PCLAF: variants seen among roughly 807,000 people sequenced by gnomAD.
The protein encoded by PCLAF is PCNA-associated factor.
PCLAF carries 12 observed loss-of-function variants against 15.1 expected under a neutral mutation model. The ratio of observed to expected loss-of-function variants is 0.79; its 90% confidence interval spans 0.51 to 1.29. PCLAF has a LOEUF of 1.29. PCLAF is among the 50% of genes most tolerant of loss of function. The pLI is 0.00. For synonymous variants in PCLAF, 33 were observed against 47.1 expected, an observed-to-expected ratio of 0.70 and a Z score of 1.22; for missense variants, 116 against 130.9, an observed-to-expected ratio of 0.89 and a Z score of 0.56.
chr15:64,372,214 T>C (rs901198542), intron 3 of PCLAF, among the ~76,000 whole-genome samples: 1 of 152,194 alleles, frequency 6.6e-6, no homozygotes, highest in Non-Finnish European at 1.5e-5. Flanking sequence ...TGATAGGAAA[T>C]GCCTACTATT....
intron 2 of PCLAF, among the ~76,000 whole-genome samples, chr15:64,380,440 G>T (rs957969638): frequency 6.6e-6 from 1 of 152,034 alleles, no homozygotes; most frequent in East Asian, 1.9e-4. Context: ...AAATTGATAG[G>T]CTGGCTGTGG....
chr15:64,376,823 C>A lies in PCLAF; in HGVS notation c.210G>T (p.Arg70Ser). ...KWQKGIGEFF[R>S]LSPKDSEKEN... is the part of the protein sequence containing the mutation. Reference sequence around the variant, plus strand: ...CTTTTTCAGAATCTTTAGGGGACAACCTAAAGAATTCTCCAATTCCTTTTT... The same window carrying A: ...CTTTTTCAGAATCTTTAGGGGACAAACTAAAGAATTCTCCAATTCCTTTTT... Residue 70 changes from arginine to serine, a missense_variant, in exon 3 of 4, where the codon AGG becomes AGT. Physicochemically the swap from Arg to Ser is moderately radical, Grantham distance 110. Transcript: ENST00000300035. 1 of 1,613,942 alleles carries A rather than the reference C, an allele frequency of 6.2e-7. No individual in the cohort carries two copies. The highest frequency in any genetic ancestry group is 8.5e-7 in the Non-Finnish European group (1 of 1,179,844).
intron 3 of PCLAF, among the ~76,000 whole-genome samples, chr15:64,370,243 ATT>A (rs879858578): frequency 3.5e-5 from 5 of 141,952 alleles, no homozygotes; most frequent in Admixed American, 7.0e-5. Flanking sequence ...TGCCCACCTA[ATT>A]TTTTTTTTTT....
chr15:64,381,465 T>C (rs953934735), upstream of PCLAF: 1 of 1,611,118 alleles, frequency 6.2e-7, no homozygotes, highest in African/African-American at 1.3e-5. Flanking sequence ...CCCGCCACAG[T>C]TTATATTGGT....
rs960575608 is a variant in PCLAF at position 64,387,382 on chromosome 15, AAAAT to A, written n.241+61_241+64del. ...GGGCGACAGTGCGAGACTCCGTCTC[AAAAT>A]AAATAAATAAATTAATTAATTAATT... is the stretch of plus-strand genomic sequence containing the variant. On this transcript the variant is annotated intron_variant and non_coding_transcript_variant, in intron 1 of 1. Transcript: ENST00000558250. The A allele has an allele frequency of 3.6e-4, 334 of 934,780 alleles. 2 individuals carry two copies. The highest frequency in any genetic ancestry group is 3.8e-4 in the Non-Finnish European group (282 of 732,776). 57.9% of individuals were successfully genotyped at this position (934,780 alleles called of 1,614,324 possible). A position where few individuals can be genotyped will look rare whatever the true frequency, so the allele number is the denominator to read the frequency against.
chr15:64,373,909 T>C (rs568525324), intron 3 of PCLAF: 1 of 645,936 alleles, frequency 1.5e-6, no homozygotes, highest in East Asian at 3.4e-5. Context: ...TGGACCTTAT[T>C]AATTACAAAT....
At chr15:64,387,636 G>A in exon 1 of PCLAF, 1 of 1,406,144 alleles carries the variant, frequency 7.1e-7, no homozygotes. Context: ...CGATTGGCAA[G>A]AATCATGCAC....
In PCLAF at chr15:64,376,896, T is replaced by G; in HGVS notation, c.137A>C (p.Lys46Thr). The G allele has an allele frequency of 6.2e-7, 1 of 1,613,284 alleles. No individual in the cohort carries two copies. Among genetic ancestry groups the G allele is most frequent in the Non-Finnish European group, 8.5e-7 (1 of 1,179,662 alleles). ...TSVSSRKAEN[K>T]YAGGNPVCVR... ...GCAAACGGGGTTCCCTCCTGCATAT[T>G]TATTTTCAGCTGTAAAATATAAACA... The change falls in exon 3 of 4, where the codon AAA becomes ACA. Residue 46 changes from lysine to threonine, a missense_variant. Lys to Thr is a moderately conservative substitution (Grantham distance 78, BLOSUM62 -1). Transcript: ENST00000300035.
chr15:64,372,450 T>C (rs1337970023), intron 3 of PCLAF, among the ~76,000 whole-genome samples: 1 of 148,050 alleles, frequency 6.8e-6, no homozygotes, highest in African/African-American at 2.5e-5. Context: ...CCGTCTCTAC[T>C]AAAAATACAA....
chr15:64,381,376 AAAC>A lies in PCLAF; in HGVS notation c.-8_-6del, dbSNP rs1465094038. ...GTCTGCTTTAGTCCGCACCATGTTC[AAAC>A]AAGAAGAGAGGAGAGGAGAGAACGA... On this transcript the variant is annotated 5_prime_UTR_variant, in exon 1 of 4. Transcript: ENST00000300035. The A allele has an allele frequency of 1.2e-6, 2 of 1,614,100 alleles. No individual in the cohort carries two copies. Among genetic ancestry groups the A allele is most frequent in the African/African-American group, 2.7e-5 (2 of 74,942 alleles).
chr15:64,372,483 G>A (rs746476988), intron 3 of PCLAF, among the ~76,000 whole-genome samples: 13 of 151,986 alleles, frequency 8.6e-5, no homozygotes, highest in East Asian at 1.9e-4. Flanking sequence ...GCGTGGCGGC[G>A]TGCGCCTGTA....
chr15:64,387,446 C>G, intron 1 of PCLAF: 2 of 1,229,332 alleles, frequency 1.6e-6, no homozygotes, highest in Non-Finnish European at 2.1e-6. Flanking sequence ...CAAAAACTTA[C>G]AGCGCTTACA....
chr15:64,376,391 T>A (rs1055910851), intron 3 of PCLAF, among the ~76,000 whole-genome samples: 2 of 152,144 alleles, frequency 1.3e-5, no homozygotes, highest in Non-Finnish European at 2.9e-5. Flanking sequence ...AATTAATTAA[T>A]TTTTTATTTG....
In PCLAF at chr15:64,381,382, GAA is replaced by G. The variant is rs1041801482; in HGVS notation, c.-13_-12del. On this transcript the variant is annotated 5_prime_UTR_variant, in exon 1 of 4. Transcript: ENST00000300035. ...TTTAGTCCGCACCATGTTCAAACAAGAAGAGAGGAGAGGAGAGAACGAACTGA... is the reference window on the plus strand; with the variant it reads ...TTTAGTCCGCACCATGTTCAAACAAGGAGAGGAGAGGAGAGAACGAACTGA... 1.2e-5 allele frequency: 19 copies of G among 1,614,054 alleles called. No homozygotes were observed. Among genetic ancestry groups the G allele is most frequent in the Admixed American group, 8.3e-5 (5 of 59,980 alleles).
Position 64,365,765 on chromosome 15 carries a change from A to G in PCLAF, c.*265T>C, listed in dbSNP as rs1221267993. 4.7e-6 allele frequency: 2 copies of G among 428,150 alleles called. No homozygotes were observed. Among genetic ancestry groups the G allele is most frequent in the Non-Finnish European group, 8.3e-6 (2 of 240,962 alleles). 26.5% of individuals were successfully genotyped at this position (428,150 alleles called of 1,614,324 possible). On this transcript the variant is annotated 3_prime_UTR_variant, in exon 4 of 4. Coordinates refer to ENST00000300035, the MANE Select transcript of PCLAF (RefSeq NM_014736.6). The stretch of plus-strand genomic sequence containing the variant: ...CTTGTAATTAGAACACAATGCAATG[A>G]CTTGATTTTAGCAAGAACTAGACAC...
chr15:64,386,081 T>C (rs1367387551), upstream of PCLAF, among the ~76,000 whole-genome samples: 1 of 152,116 alleles, frequency 6.6e-6, no homozygotes, highest in African/African-American at 2.4e-5. Context: ...ATTGGTTCTG[T>C]CTCTGGAGAA....
chr15:64,367,527 A>G (rs1299973107), intron 3 of PCLAF, among the ~76,000 whole-genome samples: 2 of 152,026 alleles, frequency 1.3e-5, no homozygotes, highest in South Asian at 2.1e-4. Context: ...AAAAAAAACA[A>G]AAAACAAAGT....
intron 3 of PCLAF, among the ~76,000 whole-genome samples, chr15:64,369,182 C>T (rs1384392691): frequency 1.3e-5 from 2 of 151,854 alleles, no homozygotes; most frequent in Non-Finnish European, 2.9e-5. Context: ...GGCAACATAG[C>T]AAGGCCTGGT....
intron 2 of PCLAF, 91 bp downstream of exon 2, chr15:64,380,867 C>G: frequency 1.9e-6 from 2 of 1,077,478 alleles, no homozygotes; most frequent in South Asian, 2.9e-5. Context: ...GAAATTCGGG[C>G]GTGAGTACCT....
Sources: allele counts gnomAD v4.1 joint callset (sites outside exome capture counted in the v4.1 genomes callset), GRCh38; gene constraint gnomAD v4.1.1; transcripts MANE v1.5; gene names NCBI Gene and HGNC (gene_info 2026-07-23, HGNC 2026-07-21).